CCSER1: variants seen among roughly 807,000 people sequenced by gnomAD.
The protein encoded by CCSER1 is coiled-coil serine rich protein 1, also known as serine-rich coiled-coil domain-containing protein 1.
In CCSER1, 41 loss-of-function variants were observed where a neutral mutation model predicts 82.0. That is an observed-to-expected ratio of 0.50 (90% confidence interval 0.39 to 0.65). The LOEUF is 0.65. Among genes scored for constraint, CCSER1 ranks in the 30% least tolerant of loss-of-function variants. The pLI is 0.00. For missense variants in CCSER1, 1,119 were observed against 1,064.2 expected (o/e 1.05, Z -0.72); for synonymous variants, 414 against 383.9 (o/e 1.08, Z -0.92).
intron 8 of CCSER1, chr4:90,911,116 T>C (rs1465834381): frequency 1.4e-5 from 5 of 356,814 alleles, no homozygotes; most frequent in Non-Finnish European, 2.7e-5. Flanking sequence ...GCCTGTGTTC[T>C]TATTTAATTC....
At chr4:90,685,866 A>T (rs1452642230) in intron 6 of CCSER1, among the ~76,000 whole-genome samples, 1 of 152,292 alleles carries the variant, frequency 6.6e-6, no homozygotes, top group South Asian at 2.1e-4. Flanking sequence ...CAAATCTGAC[A>T]GTTGTATTTG....
At chr4:91,537,959 G>C (rs1268132609) in intron 10 of CCSER1, among the ~76,000 whole-genome samples, 1 of 151,950 alleles carries the variant, frequency 6.6e-6, no homozygotes, top group Non-Finnish European at 1.5e-5. Flanking sequence ...ATGCAAGAAT[G>C]AGAGAAAGCA....
intron 6 of CCSER1, among the ~76,000 whole-genome samples, chr4:90,670,858 A>G (rs2149145533): frequency 6.6e-6 from 1 of 152,168 alleles, no homozygotes; most frequent in African/African-American, 2.4e-5. Context: ...TCTGGGGGCA[A>G]GAGTCAAGTA....
intron 10 of CCSER1, among the ~76,000 whole-genome samples, chr4:91,429,722 T>C (rs972980972): frequency 2.6e-5 from 4 of 151,972 alleles, no homozygotes; most frequent in African/African-American, 9.7e-5. Flanking sequence ...ACACTCATGT[T>C]GTCATGAGTA....
chr4:90,152,738 T>C (rs565401936), intron 1 of CCSER1, among the ~76,000 whole-genome samples: 2 of 152,054 alleles, frequency 1.3e-5, no homozygotes, highest in Non-Finnish European at 2.9e-5. Flanking sequence ...TTGGATCAGA[T>C]GGTAGAATAC....
chr4:91,423,569 C>T (rs1410610812), intron 10 of CCSER1, among the ~76,000 whole-genome samples: 2 of 152,040 alleles, frequency 1.3e-5, no homozygotes, highest in Non-Finnish European at 2.9e-5. Context: ...AGGCTTGAAA[C>T]TAATTTCTAA....
intron 6 of CCSER1, among the ~76,000 whole-genome samples, chr4:90,682,224 C>T (rs374786870): frequency 6.0e-5 from 9 of 150,062 alleles, no homozygotes; most frequent in East Asian, 2.0e-4. Flanking sequence ...ATAATAATTC[C>T]GCTTATATTG....
At chr4:90,302,527 G>T (rs986319671) in intron 1 of CCSER1, among the ~76,000 whole-genome samples, 2 of 152,186 alleles carry the variant, frequency 1.3e-5, no homozygotes, top group African/African-American at 4.8e-5. Flanking sequence ...ATGACCAAGT[G>T]CAGTGGCTCA....
intron 10 of CCSER1, among the ~76,000 whole-genome samples, chr4:91,480,657 C>T (rs1203902892): frequency 6.6e-6 from 1 of 152,174 alleles, no homozygotes; most frequent in Non-Finnish European, 1.5e-5. Flanking sequence ...CAAAGTATAA[C>T]CGAGTAGCAG....
chr4:91,356,285 T>G (rs1299250533), intron 10 of CCSER1, among the ~76,000 whole-genome samples: 1 of 152,242 alleles, frequency 6.6e-6, no homozygotes, highest in Non-Finnish European at 1.5e-5. Context: ...GCCTCAGGGC[T>G]GGGGCCGACA....
intron 8 of CCSER1, among the ~76,000 whole-genome samples, chr4:90,825,926 G>C (rs189076062): frequency 1.3e-5 from 2 of 151,958 alleles, no homozygotes; most frequent in East Asian, 3.9e-4. Context: ...TCCTGACCTC[G>C]TGATCCACCT....
chr4:90,192,968 A>T (rs1735934502), intron 1 of CCSER1, among the ~76,000 whole-genome samples: 1 of 152,080 alleles, frequency 6.6e-6, no homozygotes, highest in Non-Finnish European at 1.5e-5. Flanking sequence ...CCCACATATA[A>T]CTGAATCTTA....
At chr4:90,710,266 G>GT (rs980714939) in intron 6 of CCSER1, among the ~76,000 whole-genome samples, 1 of 151,982 alleles carries the variant, frequency 6.6e-6, no homozygotes, top group South Asian at 2.1e-4. Context: ...TCTAGTGATA[G>GT]TTTTTTGTTG....
chr4:90,195,725 C>A (rs1357262153), intron 1 of CCSER1, among the ~76,000 whole-genome samples: 1 of 152,024 alleles, frequency 6.6e-6, no homozygotes, highest in Non-Finnish European at 1.5e-5. Context: ...AAAATAAAAT[C>A]TGTTAAAAAT....
At chr4:91,266,574 G>T (rs890727829) in intron 10 of CCSER1, among the ~76,000 whole-genome samples, 3 of 151,958 alleles carry the variant, frequency 2.0e-5, no homozygotes, top group African/African-American at 7.3e-5. Flanking sequence ...TGAGGAAGAC[G>T]CTTTCCTGTG....
intron 8 of CCSER1, among the ~76,000 whole-genome samples, chr4:90,906,688 T>C (rs1725524189): frequency 6.6e-6 from 1 of 152,114 alleles, no homozygotes; most frequent in East Asian, 1.9e-4. Flanking sequence ...AATAAAAATA[T>C]CAAGCAAGTT....
At chr4:91,083,111 C>T (rs1437838263) in intron 9 of CCSER1, among the ~76,000 whole-genome samples, 3 of 152,134 alleles carry the variant, frequency 2.0e-5, no homozygotes, top group African/African-American at 7.2e-5. Context: ...CACATGAACA[C>T]GTATGTTTAT....
chr4:90,753,620 T>C (rs1283816626), intron 7 of CCSER1, among the ~76,000 whole-genome samples: 2 of 152,110 alleles, frequency 1.3e-5, no homozygotes, highest in South Asian at 4.1e-4. Flanking sequence ...ACTACTGCAG[T>C]GGTTTCTTTG....
intron 8 of CCSER1, among the ~76,000 whole-genome samples, chr4:90,819,640 A>G (rs1475908391): frequency 6.6e-6 from 1 of 152,198 alleles, no homozygotes; most frequent in Non-Finnish European, 1.5e-5. Flanking sequence ...TATTCAGATT[A>G]TTAATTGCAT....
Sources: gnomAD v4.1 joint callset for allele counts (sites outside exome capture counted in the v4.1 genomes callset) on GRCh38, gnomAD v4.1.1 for gene constraint, MANE v1.5 for transcripts, NCBI Gene and HGNC (gene_info 2026-07-23, HGNC 2026-07-21) for gene names.